The following COG1 variants were observed in gnomAD, a reference collection of about 807,000 sequenced individuals.
COG1 encodes component of oligomeric golgi complex 1.
COG1 carries 61 observed loss-of-function variants against 102.2 expected under a neutral mutation model. The observed-to-expected ratio is 0.60, with a 90% confidence interval of 0.49 to 0.74. COG1 has a LOEUF of 0.74. COG1 is among the 30% of genes least tolerant of loss of function. The pLI is 0.00. For synonymous variants in COG1, 454 were observed against 493.6 expected (o/e 0.92, Z 1.06); for missense variants, 1,164 against 1,232.1 (o/e 0.94, Z 0.83).
At position 73,193,311 on chromosome 17, in the gene COG1, A is replaced by T; in HGVS notation, c.242A>T (p.Lys81Met). The T allele has an allele frequency of 1.9e-6, 3 of 1,580,626 alleles. No individual in the cohort carries two copies. Among genetic ancestry groups the T allele is most frequent in the Non-Finnish European group, 1.7e-6 (2 of 1,166,510 alleles). The change falls in exon 1 of 14, where the codon AAG becomes ATG. Residue 81 changes from lysine (K) to methionine (M), a missense_variant. Transcript: ENST00000299886. ...GCCGTGGGGCTAGTGGACGCCGTGA[A>T]GGCCACCGACCAGTACTGCGCCCGC... Reference protein sequence around the residue: ...RCAVGLVDAVKATDQYCARLR... With the variant: ...RCAVGLVDAVMATDQYCARLR...
At chr17:73,207,313 C>A in intron 13 of COG1, 57 bp downstream of exon 13, 1 of 1,448,866 alleles carries the variant, frequency 6.9e-7, no homozygotes, top group Non-Finnish European at 9.7e-7. Flanking sequence ...CCCACCGAGC[C>A]ACCCATGATC....
At chr17:73,194,818 A>T (rs1270849825) in intron 1 of COG1, among the ~76,000 whole-genome samples, 3 of 152,206 alleles carry the variant, frequency 2.0e-5, no homozygotes, top group Non-Finnish European at 2.9e-5. Context: ...ATGAAGGGTG[A>T]AAAAGGTAAA....
In COG1 at chr17:73,206,690, C is replaced by T. The variant is rs746174674; in HGVS notation, c.2620-18C>T. The T allele has an allele frequency of 3.9e-6, 6 of 1,537,284 alleles. No homozygotes were observed. The highest frequency in any genetic ancestry group is 4.5e-6 in the Non-Finnish European group (5 of 1,113,146). Reference sequence around the variant, plus strand: ...TTACCTGCACAATGAAACCTCTGCTCCACCTCTTGTCTGCCAGGTTCTGTT... The same window carrying T: ...TTACCTGCACAATGAAACCTCTGCTTCACCTCTTGTCTGCCAGGTTCTGTT... On this transcript the variant is annotated intron_variant, in intron 11 of 13. Transcript: ENST00000299886.
rs147304602 is a variant in COG1 at position 73,200,454 on chromosome 17, T to C, written c.1071-112T>C. The C allele has an allele frequency of 2.1e-4, 213 of 997,512 alleles. No individual in the cohort carries two copies. In the African/African-American group the frequency reaches 2.9e-3, roughly 14 times the overall value. The allele number at this position is 997,512 out of a possible 1,614,324, so 61.8% of individuals were successfully genotyped here. On this transcript the variant is annotated intron_variant, in intron 5 of 13. Transcript: ENST00000299886. ...ATCAACACTGAGACACATAGATATT[T>C]ATCTACTGGAACTCAGATAAGAGAT...
chr17:73,193,183 G>C lies in COG1; in HGVS notation c.114G>C (p.Arg38=), dbSNP rs1377447369. ...TCCGCGGGCTGGAGCGCCAGGTTCG[G>C]GCCGAGATCGAGCACAAGAAGGAGG... ...EEIRGLERQV[R]AEIEHKKEEL... is the part of the protein sequence containing the mutation. Residue 38 remains arginine (R), a synonymous_variant, in exon 1 of 14, where the codon CGG becomes CGC. Transcript: ENST00000299886. The C allele has an allele frequency of 3.0e-5, 48 of 1,608,052 alleles. No individual in the cohort carries two copies. Among genetic ancestry groups the C allele is most frequent in the Non-Finnish European group, 3.9e-5 (46 of 1,177,860 alleles).
chr17:73,208,399 C>T lies in COG1; in HGVS notation c.2891C>T (p.Thr964Met), dbSNP rs767105962. 17 of 1,614,116 alleles carry T rather than the reference C, an allele frequency of 1.1e-5. No individual in the cohort carries two copies. The highest frequency in any genetic ancestry group is 4.5e-5 in the East Asian group (2 of 44,902). The stretch of plus-strand genomic sequence containing the variant: ...CAGCTTGTCAGTGAAGAAGACAACA[C>T]GTCTGCACCTTCATTATTCAAACTT... ...FRQLVSEEDNTSAPSLFKLGW... is the reference protein window; with the variant it reads ...FRQLVSEEDNMSAPSLFKLGW... The change falls in exon 14 of 14, where the codon ACG (threonine) becomes ATG (methionine). Residue 964 changes from threonine (T) to methionine (M), a missense_variant. Coordinates refer to ENST00000299886, the MANE Select transcript of COG1 (RefSeq NM_018714.3).
At chr17:73,205,449 TCTGAAATAGCAAG>T (rs981210509) in intron 9 of COG1, 91 bp from the exon 10 acceptor site, 20 of 1,244,742 alleles carry the variant, frequency 1.6e-5, no homozygotes, top group Non-Finnish European at 2.2e-5. Context: ...ACCATCTGCT[TCTGAAATAGCAAG>T]CTGAAACTCA....
rs375124338 is a variant in COG1, at chr17:73,201,917, C to G, written c.2073+17C>G. 6.2e-7 allele frequency: 1 copy of G among 1,611,396 alleles called. No individual in the cohort carries two copies. The highest frequency in any genetic ancestry group is 1.3e-5 in the African/African-American group (1 of 74,880). On this transcript the variant is annotated intron_variant, in intron 7 of 13. Coordinates refer to ENST00000299886, the MANE Select transcript of COG1 (RefSeq NM_018714.3). ...GTTGTGAAAGTGAGTGATGTAATTT[C>G]TTATCCCTGTCTTGTCTCACTTCTG... is the stretch of plus-strand genomic sequence containing the variant.
chr17:73,199,315 A>G (rs1255145091), intron 4 of COG1, among the ~76,000 whole-genome samples: 1 of 137,980 alleles, frequency 7.2e-6, no homozygotes, highest in Non-Finnish European at 1.6e-5. Flanking sequence ...TGACAACTTA[A>G]GTTCTACTTT....
chr17:73,202,796 A>G (rs937989650), intron 7 of COG1, among the ~76,000 whole-genome samples: 4 of 152,190 alleles, frequency 2.6e-5, no homozygotes, highest in African/African-American at 9.6e-5. Flanking sequence ...AAAAAAAAAG[A>G]AGTGGTATTT....
chr17:73,201,603 T>C lies in COG1; in HGVS notation c.1776T>C (p.Ile592=). ...VDCIRAELQS[I]EEGVQGQQDA... Reference sequence around the variant, plus strand: ...GCATCCGGGCAGAGCTACAGAGCATTGAAGAGGGTGTGCAAGGGCAACAGG... The same window carrying C: ...GCATCCGGGCAGAGCTACAGAGCATCGAAGAGGGTGTGCAAGGGCAACAGG... The change falls in exon 7 of 14, where the codon ATT becomes ATC. Residue 592 remains isoleucine (I), a synonymous_variant. Coordinates refer to ENST00000299886, the MANE Select transcript of COG1 (RefSeq NM_018714.3). The C allele has an allele frequency of 6.2e-7, 1 of 1,614,170 alleles. No homozygotes were observed. Among genetic ancestry groups the C allele is most frequent in the Non-Finnish European group, 8.5e-7 (1 of 1,180,030 alleles).
chr17:73,196,720 A>G lies in COG1; in HGVS notation c.529A>G (p.Ile177Val), dbSNP rs150001655. 1,586 of 1,613,850 alleles carry G rather than the reference A, an allele frequency of 9.8e-4. 12 individuals carry two copies. In the African/African-American group the frequency reaches 0.016, roughly 16 times the overall value. ...SPVLSRFPIL[I>V]RQVAAASHFR... Reference sequence around the variant, plus strand: ...CGTCCTCTCCCGGTTTCCTATACTCATCCGGCAGGTGGCAGCCGCCAGCCA... The same window carrying G: ...CGTCCTCTCCCGGTTTCCTATACTCGTCCGGCAGGTGGCAGCCGCCAGCCA... Residue 177 changes from isoleucine (I) to valine (V), a missense_variant, in exon 2 of 14, where the codon ATC becomes GTC. Physicochemically the swap from Ile to Val is conservative, Grantham distance 29. Transcript: ENST00000299886.
intron 1 of COG1, among the ~76,000 whole-genome samples, chr17:73,194,152 A>ATTTTTTT (rs1257232460): frequency 3.4e-5 from 5 of 147,344 alleles, no homozygotes; most frequent in South Asian, 2.4e-4. Flanking sequence ...TTCCTAAAGA[A>ATTTTTTT]TTTTTATTGG....
At chr17:73,208,115 T>A in intron 13 of COG1, 199 bp from the exon 14 acceptor site, 2 of 1,457,212 alleles carry the variant, frequency 1.4e-6, no homozygotes, top group Non-Finnish European at 1.8e-6. Context: ...TTCCAAATTC[T>A]AGTTTTGTCA....
In COG1 at chr17:73,205,362, T is replaced by A. The variant is rs376368160; in HGVS notation, c.2383-191T>A. The stretch of plus-strand genomic sequence containing the variant: ...GCCAGGTCTCTTCCCTGCTGTTAGG[T>A]TTTTAATTTTAAGGTCAAGTTTCTA... On this transcript the variant is annotated intron_variant, in intron 9 of 13. Coordinates refer to ENST00000299886, the MANE Select transcript of COG1 (RefSeq NM_018714.3). 8.0e-5 allele frequency: 52 copies of A among 647,798 alleles called. No individual in the cohort carries two copies. In the East Asian group the frequency reaches 1.3e-3, roughly 17 times the overall value. 40.1% of individuals were successfully genotyped at this position (647,798 alleles called of 1,614,324 possible). A position where few individuals can be genotyped will look rare whatever the true frequency, so the allele number is the denominator to read the frequency against.
intron 5 of COG1, 117 bp from the exon 6 acceptor site, chr17:73,200,449 A>G (rs906363940): frequency 6.2e-6 from 6 of 972,352 alleles, no homozygotes; most frequent in South Asian, 2.6e-5. Flanking sequence ...AGACACATAG[A>G]TATTTATCTA....
In COG1 at chr17:73,200,016, C is replaced by G. The variant is rs377061582; in HGVS notation, c.1065C>G (p.Ile355Met). The G allele has an allele frequency of 6.2e-7, 1 of 1,611,310 alleles. No homozygotes were observed. Among genetic ancestry groups the G allele is most frequent in the African/African-American group, 1.3e-5 (1 of 74,912 alleles). ...EYLKDTLQKW[I>M]HMCNEDIKNG... ...TGAAAGACACGCTGCAGAAATGGAT[C>G]CACATGTAAGTAACCAGAAAGAGCT... The change falls in exon 5 of 14, where the codon ATC becomes ATG. Residue 355 changes from isoleucine to methionine, a missense_variant. Ile to Met is a conservative substitution (Grantham distance 10). Transcript: ENST00000299886.
In COG1 at chr17:73,200,672, G is replaced by C; in HGVS notation, c.1177G>C (p.Glu393Gln). ...RDAMWELLTNESTNHSWDVLC... is the reference protein window; with the variant it reads ...RDAMWELLTNQSTNHSWDVLC... ...CGCCATGTGGGAGTTACTTACCAATGAGTCCACCAATCACAGCTGGGATGT... is the reference window on the plus strand; with the variant it reads ...CGCCATGTGGGAGTTACTTACCAATCAGTCCACCAATCACAGCTGGGATGT... Residue 393 changes from glutamate to glutamine, a missense_variant, in exon 6 of 14, where the codon GAG becomes CAG. Glu to Gln is a conservative substitution (Grantham distance 29, BLOSUM62 2). Coordinates refer to ENST00000299886, the MANE Select transcript of COG1 (RefSeq NM_018714.3). 6.2e-7 allele frequency: 1 copy of C among 1,614,162 alleles called. No homozygotes were observed. Among genetic ancestry groups the C allele is most frequent in the Non-Finnish European group, 8.5e-7 (1 of 1,180,002 alleles).
At position 73,193,217 on chromosome 17, in the gene COG1, C is replaced by T. The variant is rs758521897; in HGVS notation, c.148C>T (p.Gln50Ter). The T allele has an allele frequency of 6.2e-7, 1 of 1,608,998 alleles. No homozygotes were observed. Among genetic ancestry groups the T allele is most frequent in the Admixed American group, 1.7e-5 (1 of 59,424 alleles). Residue 50 changes from glutamine (Q) to a stop codon, truncating the protein, a stop_gained, in exon 1 of 14, where the codon CAG (glutamine) becomes TAG (stop). Coordinates refer to ENST00000299886, the MANE Select transcript of COG1 (RefSeq NM_018714.3). LOFTEE classifies it high-confidence loss of function. ...EIEHKKEELRQMVGERYRDLI... is the reference protein window; with the variant it reads ...EIEHKKEELR ...CGAGCACAAGAAGGAGGAGCTGCGGCAGATGGTGGGCGAACGGTACCGCGA... is the reference window on the plus strand; with the variant it reads ...CGAGCACAAGAAGGAGGAGCTGCGGTAGATGGTGGGCGAACGGTACCGCGA...
Sources: gnomAD v4.1 joint callset for allele counts (sites outside exome capture counted in the v4.1 genomes callset) on GRCh38, gnomAD v4.1.1 for gene constraint, MANE v1.5 for transcripts, NCBI Gene and HGNC (gene_info 2026-07-23, HGNC 2026-07-21) for gene names.